Variants in STK3 observed in about 807,000 individuals in gnomAD.
The protein encoded by STK3 is serine/threonine-protein kinase 3.
In STK3, 41 loss-of-function variants were observed where a neutral mutation model predicts 58.0. The ratio of observed to expected loss-of-function variants is 0.71; its 90% CI spans 0.55 to 0.92. The LOEUF (loss-of-function observed/expected upper bound fraction) is 0.92, where lower values mean the gene tolerates loss of function less well. Ranked by LOEUF, STK3 falls within the 40% of genes least tolerant of loss-of-function variation. The pLI is 0.00. For synonymous variants in STK3, 170 were observed against 191.0 expected (o/e 0.89, Z 0.91); for missense variants, 479 against 602.7 (o/e 0.79, Z 2.15).
At chr8:98,454,210 T>G (rs577738682), downstream of STK3, among the ~76,000 whole-genome samples, 1 of 152,306 alleles carries the variant, frequency 6.6e-6, no homozygotes, top group Admixed American at 6.5e-5. Context: ...TCATCAGCTT[T>G]TCCTGTTCTC....
intron 2 of STK3, among the ~76,000 whole-genome samples, chr8:98,772,199 T>C (rs1831356114): frequency 6.6e-6 from 1 of 152,220 alleles, no homozygotes; most frequent in African/African-American, 2.4e-5. Context: ...GTGGATTTTG[T>C]CATATTATAA....
intron 6 of STK3, among the ~76,000 whole-genome samples, chr8:98,672,429 ATCTTT>A (rs1284333502): frequency 6.6e-6 from 1 of 152,214 alleles, no homozygotes; most frequent in Non-Finnish European, 1.5e-5. Context: ...TTTGGGAAAG[ATCTTT>A]TCTATAGAAT....
chr8:98,435,351 G>A (rs548437061), intron 2 of STK3, among the ~76,000 whole-genome samples: 5 of 152,184 alleles, frequency 3.3e-5, no homozygotes, highest in Non-Finnish European at 5.9e-5. Flanking sequence ...GCAGAACATC[G>A]AAGTCAGTAA....
chr8:98,470,464 C>T (rs1057041498), intron 10 of STK3, among the ~76,000 whole-genome samples: 8 of 152,148 alleles, frequency 5.3e-5, no homozygotes, highest in Non-Finnish European at 1.0e-4. Context: ...GTGTTCACTG[C>T]CTCATCTCAC....
chr8:98,433,450 G>A (rs1408367128), intron 3 of STK3, among the ~76,000 whole-genome samples: 6 of 152,100 alleles, frequency 3.9e-5, no homozygotes, highest in Admixed American at 1.3e-4. Context: ...AGTATGGGCC[G>A]GTCCAAAGGC....
intron 6 of STK3, among the ~76,000 whole-genome samples, chr8:98,626,043 C>A (rs554090473): frequency 6.6e-6 from 1 of 152,216 alleles, no homozygotes; most frequent in African/African-American, 2.4e-5. Context: ...CTCACCCTGC[C>A]CCCCAGATGC....
chr8:98,839,057 G>C (rs545844484), intron 3 of STK3, among the ~76,000 whole-genome samples: 8 of 151,366 alleles, frequency 5.3e-5, no homozygotes, highest in African/African-American at 7.3e-5. Flanking sequence ...TTTGGGGGGG[G>C]GCGGTTTGAG....
chr8:98,571,865 C>T (rs1362918487), intron 8 of STK3, among the ~76,000 whole-genome samples: 1 of 152,138 alleles, frequency 6.6e-6, no homozygotes, highest in Non-Finnish European at 1.5e-5. Flanking sequence ...TTTTACTTAA[C>T]ATTGTGATCC....
intron 9 of STK3, among the ~76,000 whole-genome samples, chr8:98,536,260 C>T (rs948206776): frequency 4.6e-5 from 7 of 152,114 alleles, no homozygotes; most frequent in Non-Finnish European, 8.8e-5. Flanking sequence ...GAAAAAGTGG[C>T]CATGTAATAC....
chr8:98,936,223 C>T (rs1258027508), intron 1 of STK3, among the ~76,000 whole-genome samples: 2 of 152,048 alleles, frequency 1.3e-5, no homozygotes. Context: ...TGGCCTGCAT[C>T]CATGTTATTT....
At chr8:98,584,262 C>A (rs1276845811) in intron 7 of STK3, among the ~76,000 whole-genome samples, 1 of 150,024 alleles carries the variant, frequency 6.7e-6, no homozygotes, top group Non-Finnish European at 1.5e-5. Flanking sequence ...CCCCACCCCA[C>A]AACAGTCCCC....
intron 1 of STK3, among the ~76,000 whole-genome samples, chr8:98,808,546 T>A (rs1224646653): frequency 1.3e-5 from 2 of 152,228 alleles, no homozygotes; most frequent in Non-Finnish European, 2.9e-5. Context: ...GGCTTTTTTT[T>A]ATTATTGTGG....
chr8:98,710,250 T>G (rs1826291241), intron 4 of STK3, among the ~76,000 whole-genome samples: 2 of 152,120 alleles, frequency 1.3e-5, no homozygotes, highest in African/African-American at 4.8e-5. Flanking sequence ...CATTTCCAAC[T>G]GAGGTACCAG....
chr8:98,502,655 A>T (rs1236685734), intron 10 of STK3, among the ~76,000 whole-genome samples: 1 of 152,164 alleles, frequency 6.6e-6, no homozygotes, highest in African/African-American at 2.4e-5. Context: ...GCATCTATTG[A>T]GATAATCATG....
chr8:98,366,076 C>A, the STK3 span, among the ~76,000 whole-genome samples: 1 of 152,102 alleles, frequency 6.6e-6, no homozygotes, highest in African/African-American at 2.4e-5. Context: ...TAGATGTTAC[C>A]AAAATTGTTC....
intron 1 of STK3, among the ~76,000 whole-genome samples, chr8:98,807,240 G>C (rs561965202): frequency 6.6e-6 from 1 of 151,430 alleles, no homozygotes; most frequent in Non-Finnish European, 1.5e-5. Context: ...TCAAATATTT[G>C]GGTTTTTGGT....
intron 6 of STK3, among the ~76,000 whole-genome samples, chr8:98,695,785 A>G (rs965753940): frequency 1.3e-5 from 2 of 152,140 alleles, no homozygotes; most frequent in African/African-American, 4.8e-5. Flanking sequence ...TGTAGTTTGA[A>G]GTCAGGTAGT....
chr8:98,651,291 G>A (rs1044442924), intron 6 of STK3, among the ~76,000 whole-genome samples: 17 of 152,254 alleles, frequency 1.1e-4, no homozygotes, highest in South Asian at 6.2e-4. Context: ...CCTGTCTGTA[G>A]GAAGGAAAAC....
intron 3 of STK3, among the ~76,000 whole-genome samples, chr8:98,869,475 G>A (rs1478471480): frequency 1.3e-5 from 2 of 152,088 alleles, no homozygotes; most frequent in African/African-American, 4.8e-5. Flanking sequence ...TAATCATCCT[G>A]AATAATATGG....
Sources: gnomAD v4.1 joint callset for allele counts (sites outside exome capture counted in the v4.1 genomes callset) on GRCh38, gnomAD v4.1.1 for gene constraint, MANE v1.5 for transcripts, NCBI Gene and HGNC (gene_info 2026-07-23, HGNC 2026-07-21) for gene names.